The following DST variants were observed in gnomAD, a reference collection of about 807,000 sequenced individuals.
DST encodes the protein bullous pemphigoid antigen.
Under a neutral mutation model 875.2 loss-of-function variants are expected in DST, and 253 were observed. The ratio of observed to expected loss-of-function variants is 0.29; its 90% CI spans 0.26 to 0.32. DST has a LOEUF of 0.32. Among genes scored for constraint, DST ranks in the 10% least tolerant of loss-of-function variants. The probability of loss-of-function intolerance (pLI) is 1.00; values close to 1 mark genes in which losing one functional copy is unlikely to be tolerated. For missense variants in DST, 8,287 were observed against 9,111.6 expected (o/e 0.91, Z 3.68); for synonymous variants, 3,124 against 3,197.1 (o/e 0.98, Z 0.77).
At chr6:56,527,802 A>G in intron 67 of DST, 68 bp from the exon 68 acceptor site, 3 of 1,462,880 alleles carry the variant, frequency 2.1e-6, no homozygotes, top group South Asian at 1.4e-5. Context: ...TTCTTCAGAT[A>G]TTATGGAACA....
intron 27 of DST, 115 bp from the exon 28 acceptor site, chr6:56,633,152 A>G (rs1232761445): frequency 2.4e-6 from 2 of 826,358 alleles, no homozygotes; most frequent in East Asian, 5.0e-5. Context: ...CATAAATAGG[A>G]ACATTTGAAA....
At chr6:56,647,688 G>GTTGTTTTT (rs1491402943) in intron 13 of DST, among the ~76,000 whole-genome samples, 16 of 126,886 alleles carry the variant, frequency 1.3e-4, no homozygotes, top group African/African-American at 5.1e-4. Context: ...TTTTTGTAAT[G>GTTGTTTTT]TTTTTTTTTT....
chr6:56,777,435 C>T (rs2099681346), intron 4 of DST, among the ~76,000 whole-genome samples: 1 of 152,052 alleles, frequency 6.6e-6, no homozygotes, highest in Admixed American at 6.6e-5. Context: ...GACTTACCCT[C>T]CCAGTCACAG....
chr6:56,615,555 G>C, intron 36 of DST: 1 of 1,614,074 alleles, frequency 6.2e-7, no homozygotes, highest in Non-Finnish European at 8.5e-7. Flanking sequence ...CCTGTCATCA[G>C]GGGCTCAGAT....
chr6:56,783,049 A>C (rs1308788570), intron 4 of DST, among the ~76,000 whole-genome samples: 4 of 152,232 alleles, frequency 2.6e-5, no homozygotes, highest in South Asian at 2.1e-4. Flanking sequence ...TGAGTTTCTT[A>C]ATCCTGAGTT....
chr6:56,687,628 C>T (rs56101897), intron 9 of DST, among the ~76,000 whole-genome samples: 22,402 of 152,116 alleles, frequency 0.15, 2,132 homozygotes, highest in Non-Finnish European at 0.22. Flanking sequence ...CTTGACACTA[C>T]AGTCAAGCAA....
chr6:56,711,767 C>G (rs1389956431), intron 5 of DST, among the ~76,000 whole-genome samples: 1 of 152,092 alleles, frequency 6.6e-6, no homozygotes, highest in East Asian at 1.9e-4. Flanking sequence ...AGAAGAACAG[C>G]TAATAAATAT....
At chr6:56,578,777 A>C (rs1585399354) in intron 50 of DST, 37 bp downstream of exon 50, 1 of 1,605,716 alleles carries the variant, frequency 6.2e-7, no homozygotes, top group East Asian at 2.2e-5. Flanking sequence ...TTTAGAATTT[A>C]CCTGTGAGAC....
chr6:56,928,962 C>T (rs1047551156), intron 2 of DST, among the ~76,000 whole-genome samples: 1 of 151,944 alleles, frequency 6.6e-6, no homozygotes, highest in African/African-American at 2.4e-5. Context: ...CATAAATATT[C>T]CATTTATCCT....
At chr6:56,694,505 A>C (rs2099251694) in intron 9 of DST, among the ~76,000 whole-genome samples, 1 of 152,196 alleles carries the variant, frequency 6.6e-6, no homozygotes, top group African/African-American at 2.4e-5. Context: ...GGTAAAAATA[A>C]GGTCCCAGAT....
At chr6:56,541,007 AAACCAG>A (rs1432862776) in intron 61 of DST, 2 of 152,624 alleles carry the variant, frequency 1.3e-5, no homozygotes, top group Non-Finnish European at 2.9e-5. Context: ...AGGGCTACAT[AAACCAG>A]AGTCATCCTC....
chr6:56,644,985 G>C (rs1332199496), intron 15 of DST, among the ~76,000 whole-genome samples: 2 of 152,196 alleles, frequency 1.3e-5, no homozygotes, highest in African/African-American at 2.4e-5. Flanking sequence ...TTGTAAATGG[G>C]AGTTCCCCTG....
chr6:56,860,017 T>C (rs1770171457), intron 3 of DST, among the ~76,000 whole-genome samples: 1 of 152,220 alleles, frequency 6.6e-6, no homozygotes, highest in Non-Finnish European at 1.5e-5. Flanking sequence ...TCATTGTAGA[T>C]GCACTGTGGC....
At position 56,506,908 on chromosome 6, in the gene DST, GTTTTCTAAGTT is replaced by G; in HGVS notation, c.19240-130_19240-120del. 3 of 1,068,780 alleles carry G rather than the reference GTTTTCTAAGTT, an allele frequency of 2.8e-6. No individual in the cohort carries two copies. The South Asian group carries it at 1.0e-4, about 36-fold the overall frequency. The allele number at this position is 1,068,780 out of a possible 1,614,324, so 66.2% of individuals were successfully genotyped here. A position where few individuals can be genotyped will look rare whatever the true frequency, so the allele number is the denominator to read the frequency against. Reference sequence around the variant, plus strand: ...AAGGTGGCATTCTAATCATTTTTCTGTTTTCTAAGTTTCTGCAATAAATTTTTTCAACAAGA... The same window carrying G: ...AAGGTGGCATTCTAATCATTTTTCTGTCTGCAATAAATTTTTTCAACAAGA... On this transcript the variant is annotated intron_variant, in intron 75 of 103. Coordinates refer to ENST00000680361, the MANE Select transcript of DST (RefSeq NM_001374736.1).
chr6:56,876,681 T>C (rs1383282530), intron 3 of DST, among the ~76,000 whole-genome samples: 1 of 152,224 alleles, frequency 6.6e-6, no homozygotes. Context: ...TTGAAAACAC[T>C]ACTCAATGAA....
At chr6:56,596,699 A>C (rs928450993) in intron 47 of DST, among the ~76,000 whole-genome samples, 2 of 152,228 alleles carry the variant, frequency 1.3e-5, no homozygotes, top group Admixed American at 6.5e-5. Context: ...CCAAATATGA[A>C]GGGTAGGAAC....
At chr6:56,923,460 T>C (rs1319584105) in intron 2 of DST, among the ~76,000 whole-genome samples, 4 of 89,130 alleles carry the variant, frequency 4.5e-5, no homozygotes, top group Non-Finnish European at 7.9e-5. Flanking sequence ...ACCGGCTCAC[T>C]GGCAAAAAAA....
Position 56,608,191 on chromosome 6 carries a change from T to G in DST, c.6437A>C (p.Lys2146Thr). ...TTCTAAATCTCCTAAATCTGGCATT[T>G]TATCAGGCAGTGTTATATTTTTTAA... ...SILKNITLPD[K>T]MPDLGDLEAC... is the part of the protein sequence containing the mutation. The change falls in exon 40 of 104, where the codon AAA becomes ACA. Residue 2146 changes from lysine (K) to threonine (T), a missense_variant. Around this residue, in one of 10 missense-constraint regions of DST, gnomAD observed 3,138 missense variants for 3,116.6 expected, o/e 1.01. Transcript: ENST00000680361. 6.2e-7 allele frequency: 1 copy of G among 1,613,764 alleles called. No homozygotes were observed. Among genetic ancestry groups the G allele is most frequent in the Non-Finnish European group, 8.5e-7 (1 of 1,179,754 alleles).
At chr6:56,484,234 T>C (rs1299537238) in intron 88 of DST, 1 of 152,200 alleles carries the variant, frequency 6.6e-6, no homozygotes, top group African/African-American at 2.4e-5. Context: ...GAAGTTTGTA[T>C]TAACCATACA....
Sources: gnomAD v4.1 joint callset for allele counts (sites outside exome capture counted in the v4.1 genomes callset) on GRCh38, gnomAD v4.1.1 for gene constraint, gnomAD v4.1.1 regional missense constraint, MANE v1.5 for transcripts, NCBI Gene and HGNC (gene_info 2026-07-23, HGNC 2026-07-21) for gene names.